RBFOX1: variants seen among roughly 807,000 people sequenced by gnomAD.
The protein encoded by RBFOX1 is RNA binding fox-1 homolog 1, also known as RNA binding protein fox-1 homolog 1.
Under a neutral mutation model 57.7 loss-of-function variants are expected in RBFOX1, and 8 were observed. That is an observed-to-expected ratio of 0.14 (90% CI 0.08 to 0.25). RBFOX1 has a LOEUF of 0.25. Among genes scored for constraint, RBFOX1 ranks in the 10% least tolerant of loss-of-function variants. The pLI is 1.00. For synonymous variants in RBFOX1, 326 were observed against 222.4 expected (o/e 1.47, Z -4.15); for missense variants, 611 against 548.5 (o/e 1.11, Z -1.14).
rs186898361 is a variant in RBFOX1, at chr16:6,799,056, T to A, written c.-16+144406T>A. Among the ~76,000 whole-genome samples, 129 of 152,154 alleles carry A rather than the reference T, an allele frequency of 8.5e-4. 1 individual carries two copies. Among genetic ancestry groups the A allele is most frequent in the African/African-American group, 2.9e-3 (121 of 41,518 alleles). On this transcript the variant is annotated intron_variant, in intron 3 of 15. Coordinates refer to ENST00000550418, the MANE Select transcript of RBFOX1 (RefSeq NM_018723.4). ...AGACTGGGCAGAAAATTAGGCTATA[T>A]TTGGTAGCTTATAATCTAGGATGTG... is the stretch of plus-strand genomic sequence containing the variant.
At chr16:5,424,922 T>G (rs1352945545) in intron 1 of RBFOX1, among the ~76,000 whole-genome samples, 1 of 124,370 alleles carries the variant, frequency 8.0e-6, no homozygotes, top group Non-Finnish European at 1.6e-5. Flanking sequence ...TTTCTTTCTT[T>G]CTTTCTTTCT....
intron 3 of RBFOX1, among the ~76,000 whole-genome samples, chr16:6,891,351 C>A (rs879366379): frequency 1.3e-5 from 2 of 152,034 alleles, no homozygotes; most frequent in Non-Finnish European, 2.9e-5. Context: ...ACTTGCCCAT[C>A]GATATAAGAT....
Position 6,884,182 on chromosome 16 carries a change from C to G in RBFOX1, c.-15-167875C>G, listed in dbSNP as rs571187891. Among the ~76,000 whole-genome samples, 9 of 152,314 alleles carry G rather than the reference C, an allele frequency of 5.9e-5. No homozygotes were observed. The South Asian group carries it at 1.7e-3, about 28-fold the overall frequency. On this transcript the variant is annotated intron_variant, in intron 3 of 15. Coordinates refer to ENST00000550418, the MANE Select transcript of RBFOX1 (RefSeq NM_018723.4). ...AGCTGCTTCCGAGGCCCCTTCTGCTCACAGGGCATGCTTCCTGGCTCATGT... is the reference window on the plus strand; with the variant it reads ...AGCTGCTTCCGAGGCCCCTTCTGCTGACAGGGCATGCTTCCTGGCTCATGT...
At chr16:7,458,447 C>G (rs940889492) in intron 4 of RBFOX1, among the ~76,000 whole-genome samples, 3 of 152,142 alleles carry the variant, frequency 2.0e-5, no homozygotes, top group Admixed American at 2.0e-4. Context: ...GCTAAGCTTT[C>G]CAAGTAGACA....
intron 14 of RBFOX1, among the ~76,000 whole-genome samples, chr16:7,702,867 C>G (rs1176987076): frequency 2.0e-5 from 3 of 152,168 alleles, no homozygotes; most frequent in African/African-American, 4.8e-5. Flanking sequence ...TGGAAAAGTC[C>G]TCAAACCCCA....
chr16:6,572,564 G>C (rs1375569690), intron 2 of RBFOX1, among the ~76,000 whole-genome samples: 1 of 151,802 alleles, frequency 6.6e-6, no homozygotes, highest in Non-Finnish European at 1.5e-5. Context: ...TCCCCAGATG[G>C]ACAGCTATGT....
At chr16:7,308,970 G>A (rs183363578) in intron 4 of RBFOX1, among the ~76,000 whole-genome samples, 18 of 152,286 alleles carry the variant, frequency 1.2e-4, no homozygotes, top group Non-Finnish European at 1.3e-4. Context: ...GCTTAATCCC[G>A]TGTTGATTTA....
intron 4 of RBFOX1, among the ~76,000 whole-genome samples, chr16:7,500,599 A>G (rs749454865): frequency 6.6e-6 from 1 of 152,096 alleles, no homozygotes. Flanking sequence ...CATTGGAAAT[A>G]CCTCTAGGGT....
In RBFOX1 at chr16:7,203,712, C is replaced by A. The variant is rs1160784204; in HGVS notation, c.27+151614C>A. Among the ~76,000 whole-genome samples, 5 of 152,102 alleles carry A rather than the reference C, an allele frequency of 3.3e-5. No homozygotes were observed. The East Asian group carries it at 9.7e-4, about 29-fold the overall frequency. Reference sequence around the variant, plus strand: ...ATTTTGGTTAATACATGGTCTCTTCCATTTCTCTGTTTCCCTTTGCAAATA... The same window carrying A: ...ATTTTGGTTAATACATGGTCTCTTCAATTTCTCTGTTTCCCTTTGCAAATA... On this transcript the variant is annotated intron_variant, in intron 4 of 15. Coordinates refer to ENST00000550418, the MANE Select transcript of RBFOX1 (RefSeq NM_018723.4).
chr16:5,611,236 T>C (rs1258281266), intron 3 of RBFOX1: 1 of 152,280 alleles, frequency 6.6e-6, no homozygotes, highest in Non-Finnish European at 1.5e-5. Context: ...CTTACTCACC[T>C]GTCTGGGTTG....
chr16:5,411,954 C>G (rs2067032820), intron 1 of RBFOX1, among the ~76,000 whole-genome samples: 1 of 152,178 alleles, frequency 6.6e-6, no homozygotes, highest in Non-Finnish European at 1.5e-5. Flanking sequence ...CTTTGTTAAA[C>G]TCAACAGATC....
chr16:5,684,772 G>T (rs1483632441), intron 3 of RBFOX1, among the ~76,000 whole-genome samples: 1 of 152,148 alleles, frequency 6.6e-6, no homozygotes, highest in African/African-American at 2.4e-5. Flanking sequence ...TGCTTGGCTG[G>T]TATATCTGGA....
intron 12 of RBFOX1, among the ~76,000 whole-genome samples, chr16:7,659,862 C>T (rs935988999): frequency 4.6e-5 from 7 of 152,100 alleles, no homozygotes; most frequent in African/African-American, 1.4e-4. Flanking sequence ...TGTGAAAAGA[C>T]ATTTTCACAG....
intron 4 of RBFOX1, among the ~76,000 whole-genome samples, chr16:7,430,213 A>G (rs559624454): frequency 2.0e-4 from 31 of 152,246 alleles, no homozygotes; most frequent in East Asian, 3.8e-4. Flanking sequence ...CACAGTAACT[A>G]TTCCAGCCTC....
At position 7,631,766 on chromosome 16, in the gene RBFOX1, T is replaced by C. The variant is rs544556870; in HGVS notation, c.757+1083T>C. ...CGTGCCAAAACCAAACATCTTCGTTTCCTAAATTGTGAAGCTGAGGAAAAC... is the reference window on the plus strand; with the variant it reads ...CGTGCCAAAACCAAACATCTTCGTTCCCTAAATTGTGAAGCTGAGGAAAAC... On this transcript the variant is annotated intron_variant, in intron 11 of 15. Transcript: ENST00000550418. Among the ~76,000 whole-genome samples, 235 of 152,210 alleles carry C rather than the reference T, an allele frequency of 1.5e-3. 1 individual carries two copies. The highest frequency in any genetic ancestry group is 2.9e-3 in the Non-Finnish European group (194 of 68,008).
intron 4 of RBFOX1, among the ~76,000 whole-genome samples, chr16:7,429,358 A>G (rs2098656142): frequency 6.6e-6 from 1 of 152,078 alleles, no homozygotes; most frequent in Non-Finnish European, 1.5e-5. Flanking sequence ...CTTTTCATTC[A>G]TCAGCTGTTG....
At chr16:7,388,044 C>CT (rs1235939585) in intron 4 of RBFOX1, among the ~76,000 whole-genome samples, 52 of 148,648 alleles carry the variant, frequency 3.5e-4, no homozygotes, top group African/African-American at 1.1e-3. Flanking sequence ...TTTTGTTTTG[C>CT]TTTTTTTTTA....
At chr16:6,964,349 C>G (rs1013674512) in intron 3 of RBFOX1, among the ~76,000 whole-genome samples, 7 of 152,148 alleles carry the variant, frequency 4.6e-5, no homozygotes, top group African/African-American at 1.2e-4. Flanking sequence ...AGTGAAAATA[C>G]TCTATGTGAC....
At chr16:6,334,562 A>G (rs1449732095) in intron 2 of RBFOX1, among the ~76,000 whole-genome samples, 1 of 152,024 alleles carries the variant, frequency 6.6e-6, no homozygotes, top group African/African-American at 2.4e-5. Flanking sequence ...ATATATTGAG[A>G]AATAAGATTC....
Sources: allele counts gnomAD v4.1 joint callset (sites outside exome capture counted in the v4.1 genomes callset), GRCh38; gene constraint gnomAD v4.1.1; transcripts MANE v1.5; gene names NCBI Gene and HGNC (gene_info 2026-07-23, HGNC 2026-07-21).